The following RPS6KB1 variants were observed in gnomAD, a reference collection of about 807,000 sequenced individuals.
The protein encoded by RPS6KB1 is ribosomal protein S6 kinase beta-1.
In RPS6KB1, 12 loss-of-function variants were observed where a neutral mutation model predicts 70.2. The ratio of observed to expected loss-of-function variants is 0.17; its 90% confidence interval spans 0.11 to 0.28. The LOEUF is 0.28. Ranked by LOEUF, RPS6KB1 falls within the 10% of genes least tolerant of loss-of-function variation. RPS6KB1 has a pLI of 1.00. For missense variants in RPS6KB1, 270 were observed against 646.6 expected (o/e 0.42, Z 6.32); for synonymous variants, 175 against 211.2 (o/e 0.83, Z 1.49).
intron 2 of RPS6KB1, among the ~76,000 whole-genome samples, chr17:59,911,664 C>T (rs2042651931): frequency 6.6e-6 from 1 of 151,474 alleles, no homozygotes; most frequent in Non-Finnish European, 1.5e-5. Context: ...CCTGCCTCAG[C>T]CTCCTGAGTA....
chr17:59,933,116 G>A (rs2044033192), intron 7 of RPS6KB1, among the ~76,000 whole-genome samples: 1 of 151,962 alleles, frequency 6.6e-6, no homozygotes, highest in Non-Finnish European at 1.5e-5. Flanking sequence ...AATCCATGAG[G>A]TAGTTAATTG....
intron 4 of RPS6KB1, among the ~76,000 whole-genome samples, chr17:59,919,262 C>T (rs2043135104): frequency 6.6e-6 from 1 of 152,102 alleles, no homozygotes; most frequent in Admixed American, 6.6e-5. Flanking sequence ...TGGTGGCTCA[C>T]GCCTGTAATC....
chr17:59,930,298 G>A, intron 6 of RPS6KB1, 124 bp downstream of exon 6: 1 of 733,886 alleles, frequency 1.4e-6, no homozygotes. Flanking sequence ...GGACCTCAAG[G>A]GGGAGAAGCA....
At chr17:59,899,530 GA>G (rs1415315471) in intron 1 of RPS6KB1, among the ~76,000 whole-genome samples, 3 of 152,088 alleles carry the variant, frequency 2.0e-5, no homozygotes, top group East Asian at 3.8e-4. Context: ...TAACATTAAA[GA>G]AAAAACAATT....
chr17:59,893,364 CCGGGG>C lies in RPS6KB1; in HGVS notation c.141+43_141+47del. The C allele has an allele frequency of 6.4e-7, 1 of 1,566,406 alleles. No homozygotes were observed. The highest frequency in any genetic ancestry group is 8.7e-7 in the Non-Finnish European group (1 of 1,154,920). On this transcript the variant is annotated intron_variant, in intron 1 of 14. Coordinates refer to ENST00000225577, the MANE Select transcript of RPS6KB1 (RefSeq NM_003161.4). The surrounding 1 kb of genome is among the most constrained non-coding windows in gnomAD (Gnocchi z 4.1). ...TCCCCGGGGGCCCGAGGTGACAGGG[CCGGGG>C]CGGCGGCGCGGGCTCAGGAAGCGCG...
chr17:59,945,872 A>G (rs191037238), intron 14 of RPS6KB1, among the ~76,000 whole-genome samples: 2 of 152,370 alleles, frequency 1.3e-5, no homozygotes, highest in East Asian at 3.9e-4. Context: ...GAAGCTTACA[A>G]TTTAGTGGGA....
At chr17:59,898,873 C>T (rs2041728894) in intron 1 of RPS6KB1, among the ~76,000 whole-genome samples, 2 of 151,848 alleles carry the variant, frequency 1.3e-5, no homozygotes, top group East Asian at 3.9e-4. Flanking sequence ...ATTGGATAGG[C>T]CATAAAGCTT....
intron 1 of RPS6KB1, among the ~76,000 whole-genome samples, chr17:59,908,163 A>G (rs2042377663): frequency 6.6e-6 from 1 of 152,072 alleles, no homozygotes; most frequent in Non-Finnish European, 1.5e-5. Flanking sequence ...TTCAGAATGT[A>G]GTGCCTTTAA....
At position 59,934,211 on chromosome 17, in the gene RPS6KB1, A is replaced by G. The variant is rs1222867548; in HGVS notation, c.730A>G (p.Ile244Val). ...LTDFGLCKES[I>V]HDGTVTHTFC... ...AGACTTTGGACTATGCAAAGAATCT[A>G]TTCATGATGGAACAGTCACACACAC... is the stretch of plus-strand genomic sequence containing the variant. The change falls in exon 8 of 15, where the codon ATT (isoleucine) becomes GTT (valine). Residue 244 changes from isoleucine to valine, a missense_variant. Coordinates refer to ENST00000225577, the MANE Select transcript of RPS6KB1 (RefSeq NM_003161.4). This position sits in a 1 kb window ranked among gnomAD's most constrained non-coding sequence, Gnocchi z 4.8. The G allele has an allele frequency of 1.2e-6, 2 of 1,611,424 alleles. No individual in the cohort carries two copies. The highest frequency in any genetic ancestry group is 1.3e-5 in the African/African-American group (1 of 74,898).
chr17:59,941,831 A>C (rs979604404), intron 13 of RPS6KB1, among the ~76,000 whole-genome samples: 2 of 139,232 alleles, frequency 1.4e-5, no homozygotes, highest in Admixed American at 1.5e-4. Context: ...ACAGGGTTTC[A>C]CCATGTTGGC....
chr17:59,947,852 T>A lies in RPS6KB1; in HGVS notation c.*1064T>A, dbSNP rs1037659898. ...GGAAGAGGGTGTTGCTGTGGCCCAC[T>A]CTCTGTCTAATCTCTTTACAGCAAA... On this transcript the variant is annotated 3_prime_UTR_variant, in exon 15 of 15. Transcript: ENST00000225577. 7.0e-6 allele frequency: 3 copies of A among 430,318 alleles called. No homozygotes were observed. Among genetic ancestry groups the A allele is most frequent in the African/African-American group, 6.1e-5 (3 of 49,004 alleles). 26.7% of individuals were successfully genotyped at this position (430,318 alleles called of 1,614,324 possible). A position where few individuals can be genotyped will look rare whatever the true frequency, so the allele number is the denominator to read the frequency against.
At chr17:59,914,726 A>G in intron 4 of RPS6KB1, 23 bp downstream of exon 4, 1 of 1,515,634 alleles carries the variant, frequency 6.6e-7, no homozygotes, top group Non-Finnish European at 9.2e-7. Flanking sequence ...CCCCCTTTTT[A>G]GTCCTCACAC....
chr17:59,940,275 C>CTTTTTTT (rs559026454), intron 12 of RPS6KB1, among the ~76,000 whole-genome samples: 2 of 81,490 alleles, frequency 2.5e-5, no homozygotes, highest in African/African-American at 4.3e-5. Context: ...GATATATTCA[C>CTTTTTTT]TTTTTTTTTT....
At chr17:59,941,053 CTTT>C (rs11377635) in intron 13 of RPS6KB1, 110 bp downstream of exon 13, 1,050 of 472,188 alleles carry the variant, frequency 2.2e-3, no homozygotes, top group South Asian at 3.8e-3. Flanking sequence ...ACCTGGCCCA[CTTT>C]TTTTTTTTTT....
At chr17:59,894,661 A>G (rs926231700) in intron 1 of RPS6KB1, among the ~76,000 whole-genome samples, 2 of 152,084 alleles carry the variant, frequency 1.3e-5, no homozygotes, top group Non-Finnish European at 2.9e-5. Context: ...CTGGAGTGCA[A>G]TGGTGCGATC....
In RPS6KB1 at chr17:59,940,897, G is replaced by C; in HGVS notation, c.1181G>C (p.Ser394Thr). The change falls in exon 13 of 15, where the codon AGC (serine) becomes ACC (threonine). Residue 394 changes from serine to threonine, a missense_variant. Physicochemically the swap from Ser to Thr is moderately conservative, Grantham distance 58. Coordinates refer to ENST00000225577, the MANE Select transcript of RPS6KB1 (RefSeq NM_003161.4). Reference protein sequence around the residue: ...SKFTRQTPVDSPDDSTLSESA... With the variant: ...SKFTRQTPVDTPDDSTLSESA... Reference sequence around the variant, plus strand: ...TTTACACGTCAGACACCTGTCGACAGCCCAGATGACTCAACTCTCAGTGAA... The same window carrying C: ...TTTACACGTCAGACACCTGTCGACACCCCAGATGACTCAACTCTCAGTGAA... 6.3e-7 allele frequency: 1 copy of C among 1,597,272 alleles called. No homozygotes were observed. Among genetic ancestry groups the C allele is most frequent in the Non-Finnish European group, 8.5e-7 (1 of 1,178,810 alleles).
At position 59,904,454 on chromosome 17, in the gene RPS6KB1, C is replaced by T. The variant is rs1252123551; in HGVS notation, c.142-6108C>T. Among the ~76,000 whole-genome samples, 4 of 151,534 alleles carry T rather than the reference C, an allele frequency of 2.6e-5. No homozygotes were observed. The East Asian group carries it at 5.8e-4, about 22-fold the overall frequency. On this transcript the variant is annotated intron_variant, in intron 1 of 14. Transcript: ENST00000225577. ...TATTGCCCAGGCTGGAGTGCAGTGG[C>T]GCCATCTCTGCTCACTGCAACCTCT... is the stretch of plus-strand genomic sequence containing the variant.
chr17:59,947,346 TTATGAAAAACATCCCAAAC>T lies in RPS6KB1; in HGVS notation c.*560_*578del. 8.7e-7 allele frequency: 1 copy of T among 1,144,618 alleles called. No homozygotes were observed. Among genetic ancestry groups the T allele is most frequent in the Non-Finnish European group, 1.1e-6 (1 of 917,464 alleles). 70.9% of individuals were successfully genotyped at this position (1,144,618 alleles called of 1,614,324 possible). A position where few individuals can be genotyped will look rare whatever the true frequency, so the allele number is the denominator to read the frequency against. On this transcript the variant is annotated 3_prime_UTR_variant, in exon 15 of 15. Transcript: ENST00000225577. ...TCAAATAGATTTTTGATTCAGCTCATTATGAAAAACATCCCAAACTTTAAAATGCGAAATTATTGGTTGG... is the reference window on the plus strand; with the variant it reads ...TCAAATAGATTTTTGATTCAGCTCATTTTAAAATGCGAAATTATTGGTTGG...
intron 13 of RPS6KB1, 105 bp downstream of exon 13, chr17:59,941,048 G>T: frequency 5.1e-6 from 3 of 586,048 alleles, no homozygotes; most frequent in Non-Finnish European, 8.7e-6. Flanking sequence ...AGGTAACCTG[G>T]CCCACTTTTT....
Sources: allele counts gnomAD v4.1 joint callset (sites outside exome capture counted in the v4.1 genomes callset), GRCh38; gene constraint gnomAD v4.1.1; non-coding constraint Gnocchi (gnomAD v3.1); transcripts MANE v1.5; gene names NCBI Gene and HGNC (gene_info 2026-07-23, HGNC 2026-07-21).